TRPC1: variants seen among roughly 807,000 people sequenced by gnomAD.
TRPC1 encodes short transient receptor potential channel 1.
TRPC1 carries 42 observed loss-of-function variants against 88.2 expected under a neutral mutation model. That is an observed-to-expected ratio of 0.48 (90% CI 0.37 to 0.62). The LOEUF (loss-of-function observed/expected upper bound fraction) is 0.62. Ranked by LOEUF, TRPC1 falls within the 20% of genes least tolerant of loss-of-function variation. TRPC1 has a pLI of 0.00. For missense variants in TRPC1, 699 were observed against 957.3 expected, an observed-to-expected ratio of 0.73 and a Z score of 3.56; for synonymous variants, 288 against 331.8, an observed-to-expected ratio of 0.87 and a Z score of 1.43.
At chr3:142,805,121 T>C (rs1014928389) in intron 12 of TRPC1, among the ~76,000 whole-genome samples, 3 of 81,210 alleles carry the variant, frequency 3.7e-5, no homozygotes, top group African/African-American at 7.4e-5. Flanking sequence ...AACAAACAAA[T>C]ATATATATAC....
intron 1 of TRPC1, among the ~76,000 whole-genome samples, chr3:142,732,452 C>T (rs1933960581): frequency 6.6e-6 from 1 of 151,956 alleles, no homozygotes; most frequent in Non-Finnish European, 1.5e-5. Context: ...AAGGTGGAGG[C>T]CTTGTGGAGA....
Position 142,780,842 on chromosome 3 carries a change from A to T in TRPC1, c.773A>T (p.Tyr258Phe). The T allele has an allele frequency of 6.2e-7, 1 of 1,605,108 alleles. No homozygotes were observed. The change falls in exon 6 of 13, where the codon TAT becomes TTT. Residue 258 changes from tyrosine to phenylalanine, a missense_variant. Coordinates refer to ENST00000476941, the MANE Select transcript of TRPC1 (RefSeq NM_001251845.2). ...AATGCTGCATTTTATAGGAATGATT[A>T]TGAGGAACTAGCCCGGCAATGTAAA... ...SLVEVEFRND[Y>F]EELARQCKMF...
In TRPC1 at chr3:142,777,783, A is replaced by T; in HGVS notation, c.764+20A>T. ...ATTCAGGTGGGAATGAATGCAAATT[A>T]TATAATGTATTTTGTTTTAAATCTT... On this transcript the variant is annotated intron_variant, in intron 5 of 12. Coordinates refer to ENST00000476941, the MANE Select transcript of TRPC1 (RefSeq NM_001251845.2). 6.3e-7 allele frequency: 1 copy of T among 1,596,424 alleles called. No individual in the cohort carries two copies. The highest frequency in any genetic ancestry group is 1.1e-5 in the South Asian group (1 of 87,326).
intron 3 of TRPC1, among the ~76,000 whole-genome samples, chr3:142,745,640 C>T (rs1934518068): frequency 6.6e-6 from 1 of 151,874 alleles, no homozygotes; most frequent in African/African-American, 2.4e-5. Context: ...CAAAACTCTT[C>T]TAAAACAAAA....
Position 142,806,464 on chromosome 3 carries a change from A to G in TRPC1, c.*229A>G. 3.2e-6 allele frequency: 1 copy of G among 312,634 alleles called. No homozygotes were observed. Among genetic ancestry groups the G allele is most frequent in the East Asian group, 5.4e-5 (1 of 18,532 alleles). The allele number at this position is 312,634 out of a possible 1,614,324, so 19.4% of individuals were successfully genotyped here. The stretch of plus-strand genomic sequence containing the variant: ...TGCAGAAGCAAAACAGATTAAGTAG[A>G]TAGATTTTGTTAGCATGCTGCTTGG... On this transcript the variant is annotated 3_prime_UTR_variant, in exon 13 of 13. Coordinates refer to ENST00000476941, the MANE Select transcript of TRPC1 (RefSeq NM_001251845.2).
chr3:142,736,117 ATTAATT>A (rs1934128173), intron 1 of TRPC1, among the ~76,000 whole-genome samples: 1 of 152,062 alleles, frequency 6.6e-6, no homozygotes, highest in Non-Finnish European at 1.5e-5. Flanking sequence ...TCATTCAGTT[ATTAATT>A]TTAAACTAAT....
intron 7 of TRPC1, among the ~76,000 whole-genome samples, chr3:142,789,799 G>A (rs1322925986): frequency 6.6e-6 from 1 of 152,054 alleles, no homozygotes; most frequent in African/African-American, 2.4e-5. Context: ...GTTTGCTTTG[G>A]TTTTTATTTT....
chr3:142,794,620 A>G (rs1023027670), intron 9 of TRPC1, among the ~76,000 whole-genome samples: 3 of 152,140 alleles, frequency 2.0e-5, no homozygotes, highest in Non-Finnish European at 2.9e-5. Flanking sequence ...AGCCTGGCAG[A>G]ATTCTGGATT....
intron 4 of TRPC1, among the ~76,000 whole-genome samples, chr3:142,769,284 C>T (rs1033072343): frequency 6.6e-6 from 1 of 151,924 alleles, no homozygotes; most frequent in South Asian, 2.1e-4. Flanking sequence ...ACCCTCATAC[C>T]CTTTGCTCTT....
intron 9 of TRPC1, 124 bp downstream of exon 9, chr3:142,793,091 T>C (rs1483750415): frequency 2.4e-6 from 2 of 832,068 alleles, no homozygotes; most frequent in African/African-American, 3.6e-5. Context: ...TGAGAATAAG[T>C]AGCAATTAGA....
At chr3:142,779,596 A>G (rs939153552) in intron 5 of TRPC1, among the ~76,000 whole-genome samples, 1 of 152,212 alleles carries the variant, frequency 6.6e-6, no homozygotes, top group African/African-American at 2.4e-5. Context: ...CATAGAATGT[A>G]TAAAGAATGA....
chr3:142,733,940 A>G (rs1280147359), intron 1 of TRPC1, among the ~76,000 whole-genome samples: 1 of 152,208 alleles, frequency 6.6e-6, no homozygotes, highest in Non-Finnish European at 1.5e-5. Context: ...CTTAATGCCC[A>G]TATGAGAACA....
At position 142,780,845 on chromosome 3, in the gene TRPC1, A is replaced by G. The variant is rs1217907460; in HGVS notation, c.776A>G (p.Glu259Gly). 3.7e-6 allele frequency: 6 copies of G among 1,605,620 alleles called. No homozygotes were observed. The Middle Eastern group carries it at 5.0e-4, about 134-fold the overall frequency. Residue 259 changes from glutamate to glycine, a missense_variant, in exon 6 of 13, where the codon GAG becomes GGG. By Grantham distance (98) the Glu-to-Gly change is moderately conservative. Coordinates refer to ENST00000476941, the MANE Select transcript of TRPC1 (RefSeq NM_001251845.2). ...GCTGCATTTTATAGGAATGATTATG[A>G]GGAACTAGCCCGGCAATGTAAAATG... ...LVEVEFRNDY[E>G]ELARQCKMFA...
intron 3 of TRPC1, among the ~76,000 whole-genome samples, chr3:142,744,004 T>C (rs576584968): frequency 1.1e-4 from 17 of 152,194 alleles, no homozygotes; most frequent in African/African-American, 4.1e-4. Context: ...TGGCACAGTT[T>C]TTGCTGTTAA....
intron 1 of TRPC1, among the ~76,000 whole-genome samples, chr3:142,735,206 A>G (rs1934083166): frequency 6.6e-6 from 1 of 152,240 alleles, no homozygotes. Context: ...TGTATGTGTG[A>G]GGCAGGGAGT....
At chr3:142,779,031 A>G (rs1935873866) in intron 5 of TRPC1, among the ~76,000 whole-genome samples, 1 of 152,234 alleles carries the variant, frequency 6.6e-6, no homozygotes, top group South Asian at 2.1e-4. Context: ...TTAAATATGA[A>G]AAACTTCCTA....
At chr3:142,782,880 G>A (rs1250631656) in intron 6 of TRPC1, among the ~76,000 whole-genome samples, 1 of 152,216 alleles carries the variant, frequency 6.6e-6, no homozygotes, top group Non-Finnish European at 1.5e-5. Context: ...ACAGCATGGT[G>A]GCTTCAGAGT....
rs919527991 is a variant in TRPC1, at chr3:142,790,728, G to A, written c.1298-291G>A. Among the ~76,000 whole-genome samples the A allele has an allele frequency of 7.9e-5, 12 of 151,846 alleles. No individual in the cohort carries two copies. In the East Asian group the frequency reaches 1.4e-3, roughly 17 times the overall value. On this transcript the variant is annotated intron_variant, in intron 7 of 12. Coordinates refer to ENST00000476941, the MANE Select transcript of TRPC1 (RefSeq NM_001251845.2). Reference sequence around the variant, plus strand: ...TGTATGCATCCATGTGCATGCATCCGTGTGTGTGTGTTTGTGCCCATGTGT... The same window carrying A: ...TGTATGCATCCATGTGCATGCATCCATGTGTGTGTGTTTGTGCCCATGTGT...
intron 1 of TRPC1, among the ~76,000 whole-genome samples, chr3:142,729,757 G>T (rs1409689566): frequency 6.6e-6 from 1 of 152,118 alleles, no homozygotes; most frequent in Non-Finnish European, 1.5e-5. Flanking sequence ...AGAAATTTAA[G>T]ATTTAAGATC....
Sources: allele counts gnomAD v4.1 joint callset (sites outside exome capture counted in the v4.1 genomes callset), GRCh38; gene constraint gnomAD v4.1.1; transcripts MANE v1.5; gene names NCBI Gene and HGNC (gene_info 2026-07-23, HGNC 2026-07-21).